The following LINGO2 variants were observed in gnomAD, a reference collection of about 807,000 sequenced individuals.
The protein encoded by LINGO2 is leucine-rich repeat and immunoglobulin-like domain-containing nogo receptor-interacting protein 2.
Under a neutral mutation model 30.6 loss-of-function variants are expected in LINGO2, and 14 were observed. That is an observed-to-expected ratio of 0.46 (90% CI 0.30 to 0.72). The LOEUF (loss-of-function observed/expected upper bound fraction) is 0.72, where lower values mean the gene tolerates loss of function less well. LINGO2 is among the 30% of genes least tolerant of loss of function. LINGO2 has a pLI of 0.07. For synonymous variants in LINGO2, 317 were observed against 288.5 expected, an observed-to-expected ratio of 1.10 and a Z score of -1.00; for missense variants, 729 against 751.7, an observed-to-expected ratio of 0.97 and a Z score of 0.35.
the LINGO2 span, among the ~76,000 whole-genome samples, chr9:28,883,626 G>GTATATATATATA: frequency 3.9e-5 from 1 of 25,636 alleles, no homozygotes; most frequent in African/African-American, 9.6e-5. Flanking sequence ...ATATGTGTGT[G>GTATATATATATA]TGTATATATA....
At chr9:28,651,032 T>C (rs1828077889) in intron 1 of LINGO2, among the ~76,000 whole-genome samples, 1 of 151,614 alleles carries the variant, frequency 6.6e-6, no homozygotes, top group African/African-American at 2.4e-5. Context: ...CCATTAAAAA[T>C]ACAAAAAAAT....
At chr9:28,493,294 T>A (rs1413715403) in intron 1 of LINGO2, among the ~76,000 whole-genome samples, 3 of 152,164 alleles carry the variant, frequency 2.0e-5, no homozygotes, top group Non-Finnish European at 4.4e-5. Context: ...AACACGATCA[T>A]CTCTCACTGC....
chr9:28,950,570 C>CA, the LINGO2 span, among the ~76,000 whole-genome samples: 29,116 of 151,870 alleles, frequency 0.19, 2,986 homozygotes, highest in East Asian at 0.29. Context: ...AATCAATGTG[C>CA]AAAAATCACA....
At chr9:28,046,085 A>C (rs1824409143) in intron 4 of LINGO2, among the ~76,000 whole-genome samples, 3 of 152,162 alleles carry the variant, frequency 2.0e-5, no homozygotes, top group Admixed American at 2.0e-4. Flanking sequence ...GGGATACCTG[A>C]AGTTCAGCTA....
chr9:28,899,152 TAAG>T, the LINGO2 span, among the ~76,000 whole-genome samples: 2 of 152,116 alleles, frequency 1.3e-5, no homozygotes, highest in Non-Finnish European at 1.5e-5. Flanking sequence ...ATTGAGGAAA[TAAG>T]AAGAACAGTT....
the LINGO2 span, among the ~76,000 whole-genome samples, chr9:29,187,068 T>C: frequency 6.6e-6 from 1 of 152,118 alleles, no homozygotes; most frequent in Admixed American, 6.5e-5. Flanking sequence ...TTGTACCAAC[T>C]CACAAAGCTA....
chr9:28,585,201 G>T (rs1269447077), intron 1 of LINGO2, among the ~76,000 whole-genome samples: 1 of 152,012 alleles, frequency 6.6e-6, no homozygotes, highest in Non-Finnish European at 1.5e-5. Flanking sequence ...CTCAGTGTAT[G>T]TATTCACAGG....
At chr9:28,327,477 C>G (rs1477091740) in intron 3 of LINGO2, among the ~76,000 whole-genome samples, 2 of 152,296 alleles carry the variant, frequency 1.3e-5, no homozygotes, top group East Asian at 3.9e-4. Context: ...GAAAATCTCT[C>G]TCATTTTTAT....
chr9:28,684,884 A>C, the LINGO2 span, among the ~76,000 whole-genome samples: 2 of 152,096 alleles, frequency 1.3e-5, no homozygotes, highest in Non-Finnish European at 2.9e-5. Context: ...TTATACAGGT[A>C]AATTGCATGT....
chr9:28,822,298 C>T, the LINGO2 span, among the ~76,000 whole-genome samples: 1 of 152,152 alleles, frequency 6.6e-6, no homozygotes, highest in Non-Finnish European at 1.5e-5. Context: ...AGACATAAAC[C>T]TGGCCTGCAC....
chr9:29,067,817 G>A, the LINGO2 span, among the ~76,000 whole-genome samples: 1 of 149,484 alleles, frequency 6.7e-6, no homozygotes, highest in African/African-American at 2.4e-5. Context: ...AGGTCACATT[G>A]GCAAGAGAAA....
chr9:28,069,517 A>G (rs1825411045), intron 4 of LINGO2, among the ~76,000 whole-genome samples: 1 of 152,108 alleles, frequency 6.6e-6, no homozygotes, highest in South Asian at 2.1e-4. Flanking sequence ...TTTTCTGATA[A>G]TTTAAGCAGG....
At chr9:28,344,650 G>GA (rs901804704) in intron 3 of LINGO2, among the ~76,000 whole-genome samples, 1 of 151,842 alleles carries the variant, frequency 6.6e-6, no homozygotes, top group African/African-American at 2.4e-5. Flanking sequence ...TTTATTCTCA[G>GA]AAAAAGGGTC....
chr9:29,076,151 T>A, the LINGO2 span, among the ~76,000 whole-genome samples: 1 of 152,074 alleles, frequency 6.6e-6, no homozygotes, highest in South Asian at 2.1e-4. Flanking sequence ...GCACAGAGAT[T>A]ACAGGTGTGA....
At chr9:28,221,853 C>T (rs917125659) in intron 4 of LINGO2, among the ~76,000 whole-genome samples, 7 of 152,156 alleles carry the variant, frequency 4.6e-5, no homozygotes, top group African/African-American at 1.7e-4. Context: ...TTCTTTCCAA[C>T]AGGATATACT....
At chr9:28,980,130 A>G in the LINGO2 span, among the ~76,000 whole-genome samples, 1 of 152,104 alleles carries the variant, frequency 6.6e-6, no homozygotes, top group East Asian at 1.9e-4. Flanking sequence ...GCAAAAATTA[A>G]TGACCTTTTT....
At chr9:28,851,809 A>G in the LINGO2 span, among the ~76,000 whole-genome samples, 1 of 151,992 alleles carries the variant, frequency 6.6e-6, no homozygotes, top group Non-Finnish European at 1.5e-5. Flanking sequence ...AGACCCCTAG[A>G]AGAGTAAATC....
intron 1 of LINGO2, among the ~76,000 whole-genome samples, chr9:28,561,302 A>T (rs1041751293): frequency 6.6e-6 from 1 of 151,832 alleles, no homozygotes; most frequent in Non-Finnish European, 1.5e-5. Context: ...AATTCACTCA[A>T]TGTTATTCAG....
chr9:29,007,449 A>T, the LINGO2 span, among the ~76,000 whole-genome samples: 1 of 152,072 alleles, frequency 6.6e-6, no homozygotes. Flanking sequence ...ATAATGGAAG[A>T]TGGTTTAAAT....
Sources: allele counts gnomAD v4.1 joint callset (sites outside exome capture counted in the v4.1 genomes callset), GRCh38; gene constraint gnomAD v4.1.1; transcripts MANE v1.5; gene names NCBI Gene and HGNC (gene_info 2026-07-23, HGNC 2026-07-21).